The following COL21A1 variants were observed in gnomAD, a reference collection of about 807,000 sequenced individuals.
COL21A1 encodes the protein collagen type XXI alpha 1 chain, also known as collagen alpha-1(XXI) chain.
A neutral mutation model predicts 137.9 loss-of-function variants in COL21A1; 149 were observed. The observed-to-expected ratio is 1.08, with a 90% confidence interval of 0.95 to 1.24. The LOEUF is 1.24. COL21A1 is among the 50% of genes most tolerant of loss of function. The pLI is 0.00. For missense variants in COL21A1, 1,167 were observed against 1,158.4 expected, an observed-to-expected ratio of 1.01 and a Z score of -0.11; for synonymous variants, 456 against 391.5, an observed-to-expected ratio of 1.16 and a Z score of -1.95.
chr6:56,158,685 C>T (rs1373234398), intron 9 of COL21A1, among the ~76,000 whole-genome samples: 2 of 151,878 alleles, frequency 1.3e-5, no homozygotes. Flanking sequence ...AGACTCCTGG[C>T]TAGGGAAATT....
chr6:56,122,722 G>C (rs537526441), intron 16 of COL21A1, among the ~76,000 whole-genome samples: 37 of 152,220 alleles, frequency 2.4e-4, no homozygotes, highest in African/African-American at 8.9e-4. Flanking sequence ...AGACTAAAAA[G>C]GAATCTTAAA....
At chr6:56,078,222 T>C in intron 17 of COL21A1, 1 of 455,682 alleles carries the variant, frequency 2.2e-6, no homozygotes, top group Non-Finnish European at 4.4e-6. Flanking sequence ...TAATGTTAAT[T>C]CTATCAAGTT....
At chr6:56,180,811 T>C (rs1246761986) in intron 2 of COL21A1, among the ~76,000 whole-genome samples, 1 of 152,200 alleles carries the variant, frequency 6.6e-6, no homozygotes, top group African/African-American at 2.4e-5. Context: ...AGAACAGAAG[T>C]TAGAGAAGAA....
chr6:56,164,592 G>T, intron 8 of COL21A1, 86 bp from the exon 9 acceptor site: 1 of 1,047,952 alleles, frequency 9.5e-7, no homozygotes, highest in Non-Finnish European at 1.4e-6. Context: ...TTATATATTT[G>T]TGTAAAATGG....
chr6:56,391,282 A>C (rs745822006), intron 1 of COL21A1, among the ~76,000 whole-genome samples: 1 of 152,156 alleles, frequency 6.6e-6, no homozygotes, highest in Non-Finnish European at 1.5e-5. Flanking sequence ...ACCAAAACTT[A>C]CAAGATACAG....
chr6:56,249,719 G>C (rs1782809303), upstream of COL21A1, among the ~76,000 whole-genome samples: 1 of 152,180 alleles, frequency 6.6e-6, no homozygotes, highest in South Asian at 2.1e-4. Flanking sequence ...TGAAGTGCTG[G>C]TAGAAGGAAG....
intron 1 of COL21A1, among the ~76,000 whole-genome samples, chr6:56,260,684 G>GC (rs1763243074): frequency 7.9e-6 from 1 of 126,658 alleles, no homozygotes; most frequent in African/African-American, 3.2e-5. Flanking sequence ...AGGAAGGAAG[G>GC]AAGGAAGGCA....
chr6:56,290,260 G>T (rs6459143), intron 1 of COL21A1, among the ~76,000 whole-genome samples: 48,246 of 151,760 alleles, frequency 0.32, 8,962 homozygotes, highest in African/African-American at 0.5. Flanking sequence ...TATTGATATT[G>T]TGGTTAGAAT....
chr6:56,291,781 T>C (rs550171840), intron 1 of COL21A1, among the ~76,000 whole-genome samples: 2 of 152,340 alleles, frequency 1.3e-5, no homozygotes, highest in African/African-American at 4.8e-5. Flanking sequence ...TGTTAGTCAG[T>C]AGCTTGGCAG....
At chr6:56,270,979 T>C (rs1352041315) in intron 1 of COL21A1, among the ~76,000 whole-genome samples, 1 of 152,190 alleles carries the variant, frequency 6.6e-6, no homozygotes, top group Non-Finnish European at 1.5e-5. Flanking sequence ...AACAGACTAA[T>C]ACAGGAAATT....
chr6:56,088,985 G>A (rs996226395), intron 17 of COL21A1, among the ~76,000 whole-genome samples: 5 of 151,986 alleles, frequency 3.3e-5, no homozygotes, highest in Admixed American at 6.6e-5. Flanking sequence ...GGGGTTTTGC[G>A]ATGCTACCCA....
At chr6:56,202,220 G>A (rs1206421010) in intron 1 of COL21A1, among the ~76,000 whole-genome samples, 3 of 152,084 alleles carry the variant, frequency 2.0e-5, no homozygotes, top group Non-Finnish European at 4.4e-5. Flanking sequence ...CACCAAAAAT[G>A]CAGGGGTAAA....
intron 1 of COL21A1, among the ~76,000 whole-genome samples, chr6:56,264,273 A>T (rs576891636): frequency 8.0e-4 from 122 of 152,298 alleles, no homozygotes; most frequent in South Asian, 1.5e-3. Context: ...TACTGTCTTC[A>T]TACATCAGTA....
intron 16 of COL21A1, among the ~76,000 whole-genome samples, chr6:56,113,571 T>C (rs139562604): frequency 1.0e-3 from 154 of 152,274 alleles, no homozygotes; most frequent in African/African-American, 3.6e-3. Flanking sequence ...GATACCTACG[T>C]ACTACACCAA....
chr6:56,138,037 G>C (rs1051532693), intron 12 of COL21A1, among the ~76,000 whole-genome samples: 1 of 152,056 alleles, frequency 6.6e-6, no homozygotes, highest in South Asian at 2.1e-4. Context: ...CTGAGGAAAG[G>C]ATTTTTTTAA....
At chr6:56,209,322 T>A (rs1219246128) in intron 1 of COL21A1, among the ~76,000 whole-genome samples, 1 of 151,998 alleles carries the variant, frequency 6.6e-6, no homozygotes, top group Non-Finnish European at 1.5e-5. Context: ...CAAAAGAAAC[T>A]ACCATTAGAG....
At chr6:56,372,987 C>G (rs2093992636) in intron 1 of COL21A1, among the ~76,000 whole-genome samples, 1 of 152,028 alleles carries the variant, frequency 6.6e-6, no homozygotes, top group African/African-American at 2.4e-5. Flanking sequence ...CCCAGACTAC[C>G]CCTAAATTTG....
At chr6:56,098,695 A>T (rs1481004403) in intron 17 of COL21A1, among the ~76,000 whole-genome samples, 1 of 83,178 alleles carries the variant, frequency 1.2e-5, no homozygotes, top group Non-Finnish European at 2.4e-5. Flanking sequence ...ATAAATATAT[A>T]AATATATATA....
chr6:56,260,661 A>AGAGAGAG (rs1159242416), intron 1 of COL21A1, among the ~76,000 whole-genome samples: 4 of 116,068 alleles, frequency 3.4e-5, no homozygotes, highest in Non-Finnish European at 5.9e-5. Flanking sequence ...GGAAGGAATG[A>AGAGAGAG]AGGAAGGAAG....
Sources: gnomAD v4.1 joint callset for allele counts (sites outside exome capture counted in the v4.1 genomes callset) on GRCh38, gnomAD v4.1.1 for gene constraint, MANE v1.5 for transcripts, NCBI Gene and HGNC (gene_info 2026-07-23, HGNC 2026-07-21) for gene names.